Variants in TINAG observed in about 807,000 individuals in gnomAD.
TINAG encodes tubulointerstitial nephritis antigen.
A neutral mutation model predicts 72.7 loss-of-function variants in TINAG; 83 were observed. That is an observed-to-expected ratio of 1.14 (90% confidence interval 0.96 to 1.37). The LOEUF (loss-of-function observed/expected upper bound fraction) is 1.37, where lower values mean the gene tolerates loss of function less well. Ranked by LOEUF, TINAG falls within the 40% of genes most tolerant of loss-of-function variation. The probability of loss-of-function intolerance (pLI) is 0.00; values close to 1 mark genes in which losing one functional copy is unlikely to be tolerated. For missense variants in TINAG, 685 were observed against 576.6 expected (o/e 1.19, Z -1.93); for synonymous variants, 234 against 189.9 (o/e 1.23, Z -1.91).
At chr6:54,353,433 G>A (rs1785314960) in intron 8 of TINAG, among the ~76,000 whole-genome samples, 2 of 151,790 alleles carry the variant, frequency 1.3e-5, no homozygotes, top group African/African-American at 4.8e-5. Flanking sequence ...ATAGAACCCT[G>A]AATGAATAAC....
intron 9 of TINAG, among the ~76,000 whole-genome samples, chr6:54,356,997 T>G (rs1763064251): frequency 6.6e-6 from 1 of 151,882 alleles, no homozygotes; most frequent in African/African-American, 2.4e-5. Context: ...AGCAAACTCC[T>G]TGCAAGATTT....
intron 4 of TINAG, among the ~76,000 whole-genome samples, chr6:54,338,479 T>C (rs1363387111): frequency 1.3e-5 from 2 of 151,968 alleles, no homozygotes; most frequent in African/African-American, 4.8e-5. Flanking sequence ...CTCAGCACTT[T>C]GGGAGGCCGA....
At chr6:54,327,264 T>C (rs142530025) in intron 4 of TINAG, 46,453 of 1,344,918 alleles carry the variant, frequency 0.035, 1,194 homozygotes, top group East Asian at 0.12. Flanking sequence ...GTTCATCTCA[T>C]TGGGACTGGT....
Position 54,354,619 on chromosome 6 carries a change from T to C in TINAG, c.1233T>C (p.His411=), listed in dbSNP as rs138921065. The change falls in exon 9 of 11, where the codon CAT becomes CAC. Residue 411 remains histidine (H), a synonymous_variant. Transcript: ENST00000259782. The stretch of plus-strand genomic sequence containing the variant: ...AAAAATATCGAAAGCTTCAGACACA[T>C]GCAGTCAAACTCACTGGGTAAGGCA... The part of the protein sequence containing the change: ...ESEKYRKLQT[H]AVKLTGWGTL... 1.2e-5 allele frequency: 19 copies of C among 1,609,580 alleles called. No homozygotes were observed. The African/African-American group carries it at 1.5e-4, about 12-fold the overall frequency.
intron 1 of TINAG, among the ~76,000 whole-genome samples, chr6:54,315,858 T>C (rs549186778): frequency 2.0e-5 from 3 of 152,122 alleles, no homozygotes; most frequent in Non-Finnish European, 4.4e-5. Context: ...GCACAATATG[T>C]TCACATTGGT....
chr6:54,326,182 A>G (rs933425056), intron 3 of TINAG, among the ~76,000 whole-genome samples: 2 of 151,992 alleles, frequency 1.3e-5, no homozygotes, highest in Non-Finnish European at 2.9e-5. Context: ...ATATGTCTCT[A>G]CAAAAATATG....
chr6:54,372,912 C>T (rs1037624177), intron 9 of TINAG, among the ~76,000 whole-genome samples: 1 of 151,462 alleles, frequency 6.6e-6, no homozygotes, highest in Non-Finnish European at 1.5e-5. Flanking sequence ...TTCAATAAGA[C>T]CAAAGAGAAA....
At chr6:54,354,297 C>T (rs947125843) in intron 8 of TINAG, among the ~76,000 whole-genome samples, 1 of 151,868 alleles carries the variant, frequency 6.6e-6, no homozygotes, top group Admixed American at 6.6e-5. Context: ...ATAATGTGTA[C>T]TTAATATTCT....
At chr6:54,330,026 AT>A (rs757784452) in intron 4 of TINAG, among the ~76,000 whole-genome samples, 2 of 152,136 alleles carry the variant, frequency 1.3e-5, no homozygotes, top group South Asian at 2.1e-4. Flanking sequence ...ATAGTTGAAG[AT>A]TTTAACACCC....
Position 54,387,788 on chromosome 6 carries a change from T to C in TINAG, c.1297-2003T>C, listed in dbSNP as rs150155764. 4.6e-5 allele frequency among the ~76,000 whole-genome samples: 7 copies of C among 152,208 alleles called. No homozygotes were observed. In the East Asian group the frequency reaches 1.2e-3, roughly 25 times the overall value. The stretch of plus-strand genomic sequence containing the variant: ...TTCATTGCCACCATTTCCTTTATAA[T>C]TAAATACAAACAAATGTAGGCATTT... On this transcript the variant is annotated intron_variant, in intron 10 of 10. Coordinates refer to ENST00000259782, the MANE Select transcript of TINAG (RefSeq NM_014464.4).
chr6:54,350,443 C>G (rs1310854686), intron 7 of TINAG, among the ~76,000 whole-genome samples: 1 of 151,800 alleles, frequency 6.6e-6, no homozygotes, highest in Non-Finnish European at 1.5e-5. Flanking sequence ...ATTCGGTGTT[C>G]TAACCATAGC....
In TINAG at chr6:54,389,737, T is replaced by A. The variant is rs190409436; in HGVS notation, c.1297-54T>A. 9.3e-4 allele frequency: 1,432 copies of A among 1,544,062 alleles called. 2 individuals are homozygous for A. The highest frequency in any genetic ancestry group is 1.3e-3 in the East Asian group (57 of 43,594). On this transcript the variant is annotated intron_variant, in intron 10 of 10. Coordinates refer to ENST00000259782, the MANE Select transcript of TINAG (RefSeq NM_014464.4). ...CAAATGAGTTCTCCATGGCTTTTTT[T>A]AAAAAATACCAAAGTATGTTTCTCA...
intron 1 of TINAG, among the ~76,000 whole-genome samples, chr6:54,310,300 G>C (rs182426659): frequency 1.4e-4 from 22 of 151,754 alleles, no homozygotes; most frequent in African/African-American, 4.8e-4. Flanking sequence ...GCCTAGGCTC[G>C]TCTTAAAACT....
At chr6:54,321,242 T>C (rs1414488136) in intron 2 of TINAG, 55 bp from the exon 3 acceptor site, 2 of 1,300,016 alleles carry the variant, frequency 1.5e-6, no homozygotes, top group South Asian at 1.2e-5. Context: ...TTTTTACTAA[T>C]TGAAATATAC....
intron 2 of TINAG, 126 bp downstream of exon 2, chr6:54,320,768 C>A: frequency 1.6e-6 from 1 of 632,792 alleles, no homozygotes; most frequent in Non-Finnish European, 2.6e-6. Flanking sequence ...CATCATAAGA[C>A]ATCATGTACC....
chr6:54,338,157 C>T lies in TINAG; in HGVS notation c.625-5069C>T, dbSNP rs995479934. On this transcript the variant is annotated intron_variant, in intron 4 of 10. Transcript: ENST00000259782. ...ATCTCTCAAATCAATTTTCAGATTT[C>T]AATGTGGTATTTCTGCACTAGTCAC... 4.6e-5 allele frequency among the ~76,000 whole-genome samples: 7 copies of T among 152,110 alleles called. No individual in the cohort carries two copies. The East Asian group carries it at 1.3e-3, about 29-fold the overall frequency.
At chr6:54,361,108 T>C (rs964343128) in intron 9 of TINAG, among the ~76,000 whole-genome samples, 50 of 151,376 alleles carry the variant, frequency 3.3e-4, no homozygotes, top group African/African-American at 1.2e-3. Flanking sequence ...ACTTGATTGT[T>C]AAATATTGTG....
Position 54,327,258 on chromosome 6 carries a change from A to T in TINAG, c.624+342A>T, listed in dbSNP as rs547886102. 7.0e-5 allele frequency: 97 copies of T among 1,387,302 alleles called. No homozygotes were observed. The East Asian group carries it at 2.2e-3, about 32-fold the overall frequency. 85.9% of individuals were successfully genotyped at this position (1,387,302 alleles called of 1,614,324 possible). A position where few individuals can be genotyped will look rare whatever the true frequency, so the allele number is the denominator to read the frequency against. On this transcript the variant is annotated intron_variant, in intron 4 of 10. Transcript: ENST00000259782. ...CATTACCAACTGAGGTACACGGTTCATCTCATTGGGACTGGTTAGACAGTG... is the reference window on the plus strand; with the variant it reads ...CATTACCAACTGAGGTACACGGTTCTTCTCATTGGGACTGGTTAGACAGTG...
At chr6:54,386,269 C>CAA (rs1305023302) in intron 10 of TINAG, among the ~76,000 whole-genome samples, 2 of 152,154 alleles carry the variant, frequency 1.3e-5, no homozygotes, top group Non-Finnish European at 2.9e-5. Flanking sequence ...CAAACTATCA[C>CAA]AGATTTAGCA....
Sources: gnomAD v4.1 joint callset for allele counts (sites outside exome capture counted in the v4.1 genomes callset) on GRCh38, gnomAD v4.1.1 for gene constraint, MANE v1.5 for transcripts, NCBI Gene and HGNC (gene_info 2026-07-23, HGNC 2026-07-21) for gene names.